DNAH14: variants seen among roughly 807,000 people sequenced by gnomAD.
The protein encoded by DNAH14 is axonemal beta dynein heavy chain 14.
Under a neutral mutation model 520.9 loss-of-function variants are expected in DNAH14, and 478 were observed. That is an observed-to-expected ratio of 0.92 (90% CI 0.85 to 0.99). The LOEUF is 0.99. Among genes scored for constraint, DNAH14 ranks in the 50% least tolerant of loss-of-function variants. DNAH14 has a pLI of 0.00. For missense variants in DNAH14, 4,831 were observed against 5,234.5 expected (o/e 0.92, Z 2.38); for synonymous variants, 1,581 against 1,757.2 (o/e 0.90, Z 2.51).
At chr1:225,111,873 CAACTT>C (rs1433949427) in intron 23 of DNAH14, among the ~76,000 whole-genome samples, 9 of 152,038 alleles carry the variant, frequency 5.9e-5, no homozygotes, top group Non-Finnish European at 1.2e-4. Context: ...AAATTGGTGA[CAACTT>C]AACACTGATT....
intron 26 of DNAH14, among the ~76,000 whole-genome samples, chr1:225,123,310 T>C (rs1006919529): frequency 1.3e-5 from 2 of 152,216 alleles, no homozygotes; most frequent in Admixed American, 6.5e-5. Context: ...ATGGCCTTAT[T>C]AGAAAAGTAC....
At chr1:225,141,288 C>T (rs1480102) in intron 28 of DNAH14, among the ~76,000 whole-genome samples, 19,071 of 152,008 alleles carry the variant, frequency 0.13, 3,691 homozygotes, top group African/African-American at 0.42. Context: ...ATCACATTCA[C>T]ATAACATGTG....
chr1:225,366,799 ACCT>A (rs1274148620), intron 76 of DNAH14, among the ~76,000 whole-genome samples: 1 of 124,468 alleles, frequency 8.0e-6, no homozygotes, highest in Non-Finnish European at 1.9e-5. Context: ...AAACCTAGAG[ACCT>A]CCTCTTTTCC....
At chr1:225,059,227 A>G (rs1289965492) in intron 17 of DNAH14, among the ~76,000 whole-genome samples, 1 of 152,174 alleles carries the variant, frequency 6.6e-6, no homozygotes, top group Non-Finnish European at 1.5e-5. Context: ...GGCTGCATAG[A>G]TATTTAGGAT....
chr1:225,325,065 A>C (rs904865115), intron 64 of DNAH14, among the ~76,000 whole-genome samples: 1 of 151,898 alleles, frequency 6.6e-6, no homozygotes. Flanking sequence ...TATTGTCTTT[A>C]TAATATTTTA....
chr1:225,108,897 C>T (rs111305824), intron 23 of DNAH14, among the ~76,000 whole-genome samples: 6,366 of 152,092 alleles, frequency 0.042, 218 homozygotes, highest in Non-Finnish European at 0.062. Flanking sequence ...TTGTATATGG[C>T]GAAAGATAGG....
chr1:225,006,522 C>G (rs1013401335), intron 9 of DNAH14, among the ~76,000 whole-genome samples: 1 of 139,480 alleles, frequency 7.2e-6, no homozygotes, highest in Non-Finnish European at 1.6e-5. Context: ...AATGGCCACT[C>G]TGGAAGTGTC....
chr1:225,377,247 C>A lies in DNAH14; in HGVS notation c.12527C>A (p.Pro4176Gln). 1 of 1,387,226 alleles carries A rather than the reference C, an allele frequency of 7.2e-7. No individual in the cohort carries two copies. The highest frequency in any genetic ancestry group is 9.4e-7 in the Non-Finnish European group (1 of 1,060,418). 85.9% of individuals were successfully genotyped at this position (1,387,226 alleles called of 1,614,324 possible). A position where few individuals can be genotyped will look rare whatever the true frequency, so the allele number is the denominator to read the frequency against. The change falls in exon 79 of 86, where the codon CCA becomes CAA. Residue 4176 changes from proline (P) to glutamine (Q), a missense_variant. By Grantham distance (76) the Pro-to-Gln change is moderately conservative. Transcript: ENST00000682510. ...ATGTTAAATTTTCAGATATGTCTGCCAGTTCCAGGATCTGCAAGCATAAAG... is the reference window on the plus strand; with the variant it reads ...ATGTTAAATTTTCAGATATGTCTGCAAGTTCCAGGATCTGCAAGCATAAAG... ...FSFSSDGICL[P>Q]VPGSASIKDY...
chr1:225,040,890 GTCAA>G (rs2067416891), intron 12 of DNAH14, among the ~76,000 whole-genome samples: 1 of 152,192 alleles, frequency 6.6e-6, no homozygotes, highest in Admixed American at 6.5e-5. Flanking sequence ...AATATTTAAT[GTCAA>G]TCAGATAGGT....
At position 225,338,050 on chromosome 1, in the gene DNAH14, G is replaced by A; in HGVS notation, c.10312-11G>A. ...ATGATTTTTCTTATTTTTGTCTATT[G>A]GGTTTTTCAGAATCTCCTTGAGACA... On this transcript the variant is annotated splice_polypyrimidine_tract_variant and intron_variant, in intron 67 of 85. Coordinates refer to ENST00000682510, the MANE Select transcript of DNAH14 (RefSeq NM_001367479.1). The A allele has an allele frequency of 6.8e-7, 1 of 1,481,418 alleles. No homozygotes were observed. The highest frequency in any genetic ancestry group is 8.9e-7 in the Non-Finnish European group (1 of 1,118,372). The allele number at this position is 1,481,418 out of a possible 1,614,324, so 91.8% of individuals were successfully genotyped here.
At chr1:225,296,679 G>T (rs1328059044) in intron 55 of DNAH14, among the ~76,000 whole-genome samples, 1 of 152,092 alleles carries the variant, frequency 6.6e-6, no homozygotes, top group East Asian at 1.9e-4. Context: ...TACGCTAGGG[G>T]TGATGAATTC....
chr1:225,035,039 T>C (rs2066843939), intron 11 of DNAH14, among the ~76,000 whole-genome samples: 1 of 89,672 alleles, frequency 1.1e-5, no homozygotes, highest in African/African-American at 3.3e-5. Context: ...CTGGATTCTT[T>C]GATCTTTAAA....
At chr1:225,227,055 G>T (rs2090604506) in intron 41 of DNAH14, among the ~76,000 whole-genome samples, 1 of 152,014 alleles carries the variant, frequency 6.6e-6, no homozygotes, top group African/African-American at 2.4e-5. Context: ...GTACAATTGG[G>T]TTTTACACCG....
intron 43 of DNAH14, among the ~76,000 whole-genome samples, chr1:225,241,069 A>G (rs2149636746): frequency 1.3e-5 from 2 of 152,332 alleles, no homozygotes; most frequent in Middle Eastern, 3.4e-3. Flanking sequence ...AAAACTATCA[A>G]TTCAGTTACT....
intron 77 of DNAH14, among the ~76,000 whole-genome samples, chr1:225,372,419 T>C (rs1408300646): frequency 6.6e-6 from 1 of 152,126 alleles, no homozygotes; most frequent in Non-Finnish European, 1.5e-5. Context: ...GGTGCAAAAA[T>C]CTAAGTTTTT....
intron 41 of DNAH14, among the ~76,000 whole-genome samples, chr1:225,212,545 C>G (rs1423186650): frequency 6.6e-6 from 1 of 152,158 alleles, no homozygotes; most frequent in Non-Finnish European, 1.5e-5. Flanking sequence ...GTTCCTATTT[C>G]TCCACATCCT....
intron 36 of DNAH14, among the ~76,000 whole-genome samples, chr1:225,181,976 C>T (rs12078696): frequency 0.021 from 3,232 of 152,180 alleles, 90 homozygotes; most frequent in African/African-American, 0.062. Flanking sequence ...CACTTGAGGT[C>T]AGTAGTTTGA....
chr1:225,020,517 C>CAAA (rs58033176), intron 10 of DNAH14, among the ~76,000 whole-genome samples: 3 of 127,020 alleles, frequency 2.4e-5, no homozygotes, highest in South Asian at 2.4e-4. Context: ...AAAAAAAAAA[C>CAAA]AACTCAAAGG....
chr1:225,346,088 A>G lies in DNAH14; in HGVS notation c.10805A>G (p.Asn3602Ser), dbSNP rs2095281996. The G allele has an allele frequency of 6.4e-7, 1 of 1,551,580 alleles. No homozygotes were observed. The highest frequency in any genetic ancestry group is 1.4e-5 in the African/African-American group (1 of 73,048). Residue 3602 changes from asparagine to serine, a missense_variant, in exon 70 of 86, where the codon AAC becomes AGC. By Grantham distance (46) the Asn-to-Ser change is conservative. Coordinates refer to ENST00000682510, the MANE Select transcript of DNAH14 (RefSeq NM_001367479.1). The part of the protein sequence containing the change: ...AESEIQAIRK[N>S]YLPIATRGAL... Reference sequence around the variant, plus strand: ...AGTGAAATCCAAGCAATACGTAAAAACTATCTCCCCATTGCGACCCGAGGC... The same window carrying G: ...AGTGAAATCCAAGCAATACGTAAAAGCTATCTCCCCATTGCGACCCGAGGC...
Sources: gnomAD v4.1 joint callset for allele counts (sites outside exome capture counted in the v4.1 genomes callset) on GRCh38, gnomAD v4.1.1 for gene constraint, MANE v1.5 for transcripts, NCBI Gene and HGNC (gene_info 2026-07-23, HGNC 2026-07-21) for gene names.